The following DAB1 variants were observed in gnomAD, a reference collection of about 807,000 sequenced individuals.
DAB1 encodes disabled homolog 1.
In DAB1, 15 loss-of-function variants were observed where a neutral mutation model predicts 64.6. The ratio of observed to expected loss-of-function variants is 0.23; its 90% CI spans 0.16 to 0.36. DAB1 has a LOEUF of 0.36. Ranked by LOEUF, DAB1 falls within the 10% of genes least tolerant of loss-of-function variation. The pLI is 1.00. For missense variants in DAB1, 596 were observed against 706.7 expected (o/e 0.84, Z 1.78); for synonymous variants, 235 against 251.9 (o/e 0.93, Z 0.64).
chr1:58,463,030 T>C (rs957161410), intron 3 of DAB1, among the ~76,000 whole-genome samples: 1 of 152,212 alleles, frequency 6.6e-6, no homozygotes, highest in Non-Finnish European at 1.5e-5. Flanking sequence ...AAGTGCTTCA[T>C]AAGCAATGTC....
Position 57,162,896 on chromosome 1 carries a change from A to G in DAB1, c.68-17467T>C, listed in dbSNP as rs545843451. Among the ~76,000 whole-genome samples, 14 of 152,376 alleles carry G rather than the reference A, an allele frequency of 9.2e-5. 1 individual carries two copies. Among genetic ancestry groups the G allele is most frequent in the Admixed American group, 7.2e-4 (11 of 15,310 alleles). On this transcript the variant is annotated intron_variant, in intron 2 of 14. Coordinates refer to ENST00000371236, the MANE Select transcript of DAB1 (RefSeq NM_001365792.1). ...ATATAAATTACATTTGATTAAACTC[A>G]GAGATAAATCTCAGTGATAGAGGGT...
At chr1:58,402,135 G>A (rs1474667253) in intron 3 of DAB1, among the ~76,000 whole-genome samples, 1 of 152,112 alleles carries the variant, frequency 6.6e-6, no homozygotes, top group African/African-American at 2.4e-5. Flanking sequence ...TCCTGGAGTG[G>A]ACATCTGTTG....
chr1:57,312,541 C>T (rs1192594814), intron 1 of DAB1, among the ~76,000 whole-genome samples: 1 of 152,180 alleles, frequency 6.6e-6, no homozygotes, highest in Non-Finnish European at 1.5e-5. Flanking sequence ...TAAACTCAGG[C>T]AAAGGTAGTA....
At chr1:57,555,166 C>T (rs983648107) in intron 7 of DAB1, among the ~76,000 whole-genome samples, 2 of 149,794 alleles carry the variant, frequency 1.3e-5, no homozygotes, top group African/African-American at 4.9e-5. Context: ...TCCCAAGTAG[C>T]TGGGACTACA....
intron 7 of DAB1, among the ~76,000 whole-genome samples, chr1:57,559,556 A>G (rs1645027890): frequency 6.6e-6 from 1 of 152,108 alleles, no homozygotes; most frequent in African/African-American, 2.4e-5. Flanking sequence ...ATTCCAGGGG[A>G]CCCAAAACAT....
intron 3 of DAB1, among the ~76,000 whole-genome samples, chr1:58,442,640 G>T (rs139726145): frequency 1.0e-3 from 159 of 152,306 alleles, no homozygotes; most frequent in African/African-American, 3.6e-3. Flanking sequence ...AGAAAAACCT[G>T]AGTTTAAATC....
At chr1:57,300,828 T>A (rs1009280838) in intron 1 of DAB1, among the ~76,000 whole-genome samples, 3 of 152,224 alleles carry the variant, frequency 2.0e-5, no homozygotes, top group African/African-American at 7.2e-5. Context: ...GTAGCACATG[T>A]ATGTACCATA....
intron 5 of DAB1, among the ~76,000 whole-genome samples, chr1:57,915,855 G>C (rs1644719383): frequency 1.3e-5 from 2 of 152,178 alleles, no homozygotes; most frequent in South Asian, 4.1e-4. Flanking sequence ...ATCTTGGGAA[G>C]AGCTCTCTTT....
intron 4 of DAB1, among the ~76,000 whole-genome samples, chr1:57,085,287 C>T (rs1162146303): frequency 6.6e-6 from 1 of 152,194 alleles, no homozygotes; most frequent in Non-Finnish European, 1.5e-5. Context: ...CAAGCTCTGC[C>T]CAGCTGTCTG....
intron 4 of DAB1, among the ~76,000 whole-genome samples, chr1:58,336,320 G>A (rs1380745598): frequency 6.6e-6 from 1 of 152,178 alleles, no homozygotes; most frequent in Admixed American, 6.5e-5. Context: ...TCTGGGTTCT[G>A]ATCTCAAAAG....
intron 7 of DAB1, among the ~76,000 whole-genome samples, chr1:57,507,816 G>C (rs1004571840): frequency 6.6e-6 from 1 of 152,152 alleles, no homozygotes; most frequent in Non-Finnish European, 1.5e-5. Context: ...TGTCTTAAAT[G>C]GGAGGGCCTT....
intron 7 of DAB1, among the ~76,000 whole-genome samples, chr1:57,571,661 T>A (rs1321604198): frequency 1.3e-5 from 2 of 152,192 alleles, no homozygotes; most frequent in Non-Finnish European, 2.9e-5. Context: ...GTTCCTAATT[T>A]TTCAGGTGAC....
At chr1:58,054,173 G>A (rs1357114475) in intron 5 of DAB1, among the ~76,000 whole-genome samples, 3 of 152,232 alleles carry the variant, frequency 2.0e-5, no homozygotes, top group Admixed American at 6.5e-5. Flanking sequence ...TTCCTAGGAT[G>A]AGAAGTTGCT....
At chr1:57,613,603 C>A (rs1645754200) in intron 7 of DAB1, among the ~76,000 whole-genome samples, 1 of 152,192 alleles carries the variant, frequency 6.6e-6, no homozygotes, top group East Asian at 1.9e-4. Flanking sequence ...ACCATTCCTT[C>A]CCCAGGATAT....
At chr1:57,158,718 T>G (rs1660468407) in intron 2 of DAB1, among the ~76,000 whole-genome samples, 1 of 152,138 alleles carries the variant, frequency 6.6e-6, no homozygotes, top group African/African-American at 2.4e-5. Context: ...TTTTATGTAA[T>G]TAACTAGCTG....
chr1:57,435,009 T>C (rs1685637760), intron 7 of DAB1, among the ~76,000 whole-genome samples: 1 of 151,684 alleles, frequency 6.6e-6, no homozygotes, highest in South Asian at 2.1e-4. Flanking sequence ...ATTAAATTCA[T>C]TTTTTAAGCT....
intron 1 of DAB1, among the ~76,000 whole-genome samples, chr1:58,532,683 A>G (rs1390591744): frequency 1.3e-5 from 2 of 151,818 alleles, no homozygotes; most frequent in African/African-American, 2.4e-5. Flanking sequence ...GTGAGCCACC[A>G]TGCTCAGCTA....
At chr1:57,143,502 CT>C (rs1170935519) in intron 3 of DAB1, among the ~76,000 whole-genome samples, 1 of 152,078 alleles carries the variant, frequency 6.6e-6, no homozygotes, top group African/African-American at 2.4e-5. Context: ...GTATTGATGT[CT>C]TTTATGCCTT....
At chr1:57,789,661 G>A (rs796551503) in intron 6 of DAB1, among the ~76,000 whole-genome samples, 2 of 152,104 alleles carry the variant, frequency 1.3e-5, no homozygotes, top group Admixed American at 6.5e-5. Context: ...CCTCCTAAAG[G>A]CCCCATCTCC....
Sources: allele counts gnomAD v4.1 joint callset (sites outside exome capture counted in the v4.1 genomes callset), GRCh38; gene constraint gnomAD v4.1.1; transcripts MANE v1.5; gene names NCBI Gene and HGNC (gene_info 2026-07-23, HGNC 2026-07-21).